PPP1R14C: variants seen among roughly 807,000 people sequenced by gnomAD.
The protein encoded by PPP1R14C is protein phosphatase 1 regulatory subunit 14C.
Under a neutral mutation model 20.4 loss-of-function variants are expected in PPP1R14C, and 16 were observed. The observed-to-expected ratio is 0.78, with a 90% CI of 0.53 to 1.19. The LOEUF is 1.19. Among genes scored for constraint, PPP1R14C ranks in the 50% most tolerant of loss-of-function variants. PPP1R14C has a pLI of 0.00. For synonymous variants in PPP1R14C, 91 were observed against 91.0 expected (o/e 1.00, Z 0.00); for missense variants, 211 against 220.1 (o/e 0.96, Z 0.26).
intron 1 of PPP1R14C, among the ~76,000 whole-genome samples, chr6:150,197,512 G>A (rs768504437): frequency 2.3e-4 from 35 of 152,248 alleles, no homozygotes; most frequent in Non-Finnish European, 2.5e-4. Flanking sequence ...AACAGGTGGC[G>A]TAAAAGCTAA....
Position 150,248,815 on chromosome 6 carries a change from G to A in PPP1R14C, c.493G>A (p.Val165Ile), listed in dbSNP as rs781646426. ...ACTGAGCCCTCCGCAGAAGAAGAGT[G>A]TATGATTCTGGAACAGGGTGAAACT... ...RKLSPPQKKS[V>I] The change falls in exon 4 of 4, where the codon GTA (valine) becomes ATA (isoleucine). Residue 165 changes from valine to isoleucine, a missense_variant. By Grantham distance (29) the Val-to-Ile change is conservative. Transcript: ENST00000361131. 3.7e-6 allele frequency: 6 copies of A among 1,608,046 alleles called. No individual in the cohort carries two copies. The highest frequency in any genetic ancestry group is 3.3e-5 in the Admixed American group (2 of 59,978).
intron 1 of PPP1R14C, among the ~76,000 whole-genome samples, chr6:150,212,005 C>T (rs1778029100): frequency 6.6e-6 from 1 of 152,174 alleles, no homozygotes; most frequent in South Asian, 2.1e-4. Flanking sequence ...AAACCAAGCT[C>T]AGGGTTTCTC....
intron 1 of PPP1R14C, among the ~76,000 whole-genome samples, chr6:150,197,721 C>G (rs13193120): frequency 5.3e-5 from 8 of 150,624 alleles, no homozygotes; most frequent in East Asian, 4.0e-4. Flanking sequence ...GTGCCCCTGG[C>G]CGCCACGGTG....
chr6:150,204,989 T>G (rs2114901328), intron 1 of PPP1R14C, among the ~76,000 whole-genome samples: 1 of 129,862 alleles, frequency 7.7e-6, no homozygotes, highest in Non-Finnish European at 1.6e-5. Flanking sequence ...CTGCTCCAAC[T>G]CAGAGTCTTT....
At chr6:150,189,703 C>G (rs534768341) in intron 1 of PPP1R14C, among the ~76,000 whole-genome samples, 1 of 152,166 alleles carries the variant, frequency 6.6e-6, no homozygotes, top group East Asian at 1.9e-4. Flanking sequence ...ACATTTCTGA[C>G]TTTATATTCT....
intron 1 of PPP1R14C, among the ~76,000 whole-genome samples, chr6:150,199,836 T>C (rs1649151599): frequency 2.0e-5 from 3 of 150,598 alleles, no homozygotes; most frequent in African/African-American, 7.4e-5. Context: ...GCCACTGTAT[T>C]ATAGCCTGGG....
chr6:150,181,655 C>G (rs553782822), intron 1 of PPP1R14C, among the ~76,000 whole-genome samples: 2 of 152,310 alleles, frequency 1.3e-5, no homozygotes, highest in Admixed American at 6.5e-5. Flanking sequence ...CTGCGCTTAG[C>G]CTTCTTGTTT....
chr6:150,243,084 G>A (rs1778450902), intron 3 of PPP1R14C, among the ~76,000 whole-genome samples: 1 of 151,880 alleles, frequency 6.6e-6, no homozygotes, highest in African/African-American at 2.4e-5. Flanking sequence ...TTAGTGTTGA[G>A]ATGTCAGTTC....
At chr6:150,193,218 G>A (rs574270723) in intron 1 of PPP1R14C, among the ~76,000 whole-genome samples, 3 of 151,876 alleles carry the variant, frequency 2.0e-5, no homozygotes, top group African/African-American at 2.4e-5. Flanking sequence ...GTCACTCAAG[G>A]CTTGTTTAAT....
At chr6:150,200,394 C>G (rs936365853) in intron 1 of PPP1R14C, among the ~76,000 whole-genome samples, 3 of 152,140 alleles carry the variant, frequency 2.0e-5, no homozygotes, top group African/African-American at 7.2e-5. Flanking sequence ...GGACAGCTCC[C>G]TTTTCTCCCT....
At chr6:150,179,657 G>A (rs942701179) in intron 1 of PPP1R14C, among the ~76,000 whole-genome samples, 5 of 151,074 alleles carry the variant, frequency 3.3e-5, no homozygotes, top group African/African-American at 1.2e-4. Context: ...AAAAAAAAAA[G>A]GGGATAATAT....
At chr6:150,233,581 A>T (rs1274938807) in intron 3 of PPP1R14C, among the ~76,000 whole-genome samples, 2 of 152,192 alleles carry the variant, frequency 1.3e-5, no homozygotes, top group African/African-American at 2.4e-5. Context: ...TCATAGTGGC[A>T]GTGGGTTAAA....
At chr6:150,218,681 T>A (rs902743854) in intron 3 of PPP1R14C, among the ~76,000 whole-genome samples, 11 of 151,994 alleles carry the variant, frequency 7.2e-5, no homozygotes, top group Non-Finnish European at 1.6e-4. Flanking sequence ...CAGGGTCTCA[T>A]TCTGTCACCC....
At chr6:150,163,161 G>A (rs1777388961) in intron 1 of PPP1R14C, among the ~76,000 whole-genome samples, 1 of 152,192 alleles carries the variant, frequency 6.6e-6, no homozygotes, top group Non-Finnish European at 1.5e-5. Flanking sequence ...GGAGGCCGAG[G>A]CAGGCGGATC....
At chr6:150,244,767 G>A (rs756632361) in intron 3 of PPP1R14C, among the ~76,000 whole-genome samples, 1 of 152,078 alleles carries the variant, frequency 6.6e-6, no homozygotes, top group South Asian at 2.1e-4. Flanking sequence ...ACAAACTGTG[G>A]GTGGGAACAC....
rs529028886 is a variant in PPP1R14C at position 150,198,163 on chromosome 6, G to A, written c.307-16581G>A. ...TTTGTGTGCCCCTGCCCTTCACGGT[G>A]GAGGAGGGCCTGGATGCCCGGCTTT... is the stretch of plus-strand genomic sequence containing the variant. On this transcript the variant is annotated intron_variant, in intron 1 of 3. Transcript: ENST00000361131. 3.4e-4 allele frequency among the ~76,000 whole-genome samples: 50 copies of A among 146,622 alleles called. 1 individual carries two copies. In the East Asian group the frequency reaches 9.2e-3, roughly 27 times the overall value.
At chr6:150,191,007 G>A (rs1241330071) in intron 1 of PPP1R14C, among the ~76,000 whole-genome samples, 2 of 152,142 alleles carry the variant, frequency 1.3e-5, no homozygotes, top group Non-Finnish European at 2.9e-5. Flanking sequence ...CTACCCACAC[G>A]GTTACCTCTC....
intron 1 of PPP1R14C, among the ~76,000 whole-genome samples, chr6:150,192,332 A>G (rs1448614884): frequency 6.6e-6 from 1 of 152,140 alleles, no homozygotes; most frequent in Non-Finnish European, 1.5e-5. Context: ...GGTTGGGTGC[A>G]GATGGTTTCG....
intron 1 of PPP1R14C, among the ~76,000 whole-genome samples, chr6:150,202,359 C>T (rs1406479083): frequency 1.3e-5 from 2 of 152,212 alleles, no homozygotes; most frequent in African/African-American, 2.4e-5. Context: ...CCAGATCAAG[C>T]CCACACCTCC....
Sources: gnomAD v4.1 joint callset for allele counts (sites outside exome capture counted in the v4.1 genomes callset) on GRCh38, gnomAD v4.1.1 for gene constraint, MANE v1.5 for transcripts, NCBI Gene and HGNC (gene_info 2026-07-23, HGNC 2026-07-21) for gene names.